Variants in CAV3 observed in about 807,000 individuals in gnomAD.
The protein encoded by CAV3 is caveolin-3.
CAV3 carries 10 observed loss-of-function variants against 13.4 expected under a neutral mutation model. The ratio of observed to expected loss-of-function variants is 0.75; its 90% CI spans 0.46 to 1.27. The LOEUF is 1.27. Among genes scored for constraint, CAV3 ranks in the 50% most tolerant of loss-of-function variants. The pLI, the probability that CAV3 is intolerant of heterozygous loss-of-function variation, is 0.00. For missense variants in CAV3, 162 were observed against 194.0 expected, an observed-to-expected ratio of 0.83 and a Z score of 0.98; for synonymous variants, 90 against 79.0, an observed-to-expected ratio of 1.14 and a Z score of -0.74.
intron 1 of CAV3, among the ~76,000 whole-genome samples, chr3:8,740,089 G>A (rs528393686): frequency 1.3e-5 from 2 of 152,078 alleles, no homozygotes; most frequent in Non-Finnish European, 2.9e-5. Flanking sequence ...TTAGTCTCTC[G>A]AGCAGCATTC....
At chr3:8,734,662 G>A (rs1478820839) in intron 1 of CAV3, among the ~76,000 whole-genome samples, 6 of 152,200 alleles carry the variant, frequency 3.9e-5, no homozygotes, top group East Asian at 1.9e-4. Flanking sequence ...TGACACTAGC[G>A]GCCCTGCTGC....
At chr3:8,736,881 G>A (rs1707776805) in intron 1 of CAV3, among the ~76,000 whole-genome samples, 1 of 152,194 alleles carries the variant, frequency 6.6e-6, no homozygotes, top group Admixed American at 6.5e-5. Flanking sequence ...TTTAGTGAGT[G>A]AGAAATGAAA....
At chr3:8,740,936 T>C (rs529762958) in intron 1 of CAV3, among the ~76,000 whole-genome samples, 58 of 152,334 alleles carry the variant, frequency 3.8e-4, no homozygotes, top group Admixed American at 1.0e-3. Flanking sequence ...TGCCAGTCCC[T>C]TACGTGCCAT....
Position 8,745,756 on chromosome 3 carries a change from G to C in CAV3, c.345G>C (p.Gln115His), listed in dbSNP as rs758165061. The C allele has an allele frequency of 6.2e-7, 1 of 1,613,994 alleles. No homozygotes were observed. Among genetic ancestry groups the C allele is most frequent in the African/African-American group, 1.3e-5 (1 of 74,932 alleles). Residue 115 changes from glutamine (Q) to histidine (H), a missense_variant, in exon 2 of 2, where the codon CAG becomes CAC. By Grantham distance (24) the Gln-to-His change is conservative. Coordinates refer to ENST00000343849, the MANE Select transcript of CAV3 (RefSeq NM_033337.3). This position sits in a 1 kb window ranked among gnomAD's most constrained non-coding sequence, Gnocchi z 4.8. ...TTAAGAGCTACCTGATCGAGATCCA[G>C]TGCATCAGCCACATCTACTCACTCT... ...PCIKSYLIEI[Q>H]CISHIYSLCI...
At chr3:8,740,092 C>A (rs143965533) in intron 1 of CAV3, among the ~76,000 whole-genome samples, 402 of 152,294 alleles carry the variant, frequency 2.6e-3, no homozygotes, top group South Asian at 5.0e-3. Flanking sequence ...GTCTCTCGAG[C>A]AGCATTCAGC....
chr3:8,741,590 T>C (rs1303551963), intron 1 of CAV3, among the ~76,000 whole-genome samples: 1 of 152,100 alleles, frequency 6.6e-6, no homozygotes, highest in East Asian at 1.9e-4. Flanking sequence ...AGAGGGAAAG[T>C]ACCATGCCCC....
intron 1 of CAV3, among the ~76,000 whole-genome samples, chr3:8,743,968 G>C (rs1261080429): frequency 6.6e-6 from 1 of 152,090 alleles, no homozygotes; most frequent in East Asian, 1.9e-4. Context: ...ATAGAGGAGA[G>C]GATCCCCTCC....
chr3:8,739,645 C>T (rs11916022), intron 1 of CAV3, among the ~76,000 whole-genome samples: 36,105 of 151,064 alleles, frequency 0.24, 4,579 homozygotes, highest in African/African-American at 0.3. Context: ...AAGAGTTTCA[C>T]GCTCAAACTT....
intron 1 of CAV3, among the ~76,000 whole-genome samples, chr3:8,736,653 G>T (rs566176610): frequency 3.3e-5 from 5 of 152,238 alleles, no homozygotes; most frequent in Non-Finnish European, 7.3e-5. Flanking sequence ...GGATTATGAC[G>T]CAGAGGGAGC....
At chr3:8,734,061 A>G (rs1032079246) in intron 1 of CAV3, 71 bp downstream of exon 1, 1 of 828,096 alleles carries the variant, frequency 1.2e-6, no homozygotes, top group Admixed American at 1.9e-5. Context: ...TTGGCAGGGG[A>G]GGGTATCTGC....
chr3:8,741,634 T>G (rs1403686733), intron 1 of CAV3, among the ~76,000 whole-genome samples: 1 of 152,190 alleles, frequency 6.6e-6, no homozygotes, highest in Non-Finnish European at 1.5e-5. Flanking sequence ...CAGTGGATAC[T>G]GGGACCATAT....
Position 8,745,456 on chromosome 3 carries a change from C to A in CAV3, c.115-70C>A, listed in dbSNP as rs546273544. On this transcript the variant is annotated intron_variant, in intron 1 of 1. Coordinates refer to ENST00000343849, the MANE Select transcript of CAV3 (RefSeq NM_033337.3). The surrounding 1 kb of genome is among the most constrained non-coding windows in gnomAD (Gnocchi z 4.8). ...CCTCTAGGGGATTCTGACACATGCACGCACACACCCAAAAGCTTGAGAAGC... is the reference window on the plus strand; with the variant it reads ...CCTCTAGGGGATTCTGACACATGCAAGCACACACCCAAAAGCTTGAGAAGC... 2 of 1,223,120 alleles carry A rather than the reference C, an allele frequency of 1.6e-6. No individual in the cohort carries two copies. The highest frequency in any genetic ancestry group is 2.3e-5 in the East Asian group (1 of 42,760). 75.8% of individuals were successfully genotyped at this position (1,223,120 alleles called of 1,614,324 possible). A position where few individuals can be genotyped will look rare whatever the true frequency, so the allele number is the denominator to read the frequency against.
intron 1 of CAV3, among the ~76,000 whole-genome samples, chr3:8,736,472 C>A (rs1274568728): frequency 1.3e-5 from 2 of 152,144 alleles, no homozygotes; most frequent in African/African-American, 4.8e-5. Context: ...CAGGAGCCTG[C>A]GTCATGCCCA....
chr3:8,742,345 GGCTTCT>G, intron 1 of CAV3: 2 of 289,314 alleles, frequency 6.9e-6, no homozygotes, highest in Middle Eastern at 4.9e-4. Flanking sequence ...TAGCACCAAT[GGCTTCT>G]GCAAACACCA....
chr3:8,743,897 T>G (rs1401088743), intron 1 of CAV3, among the ~76,000 whole-genome samples: 2 of 152,214 alleles, frequency 1.3e-5, no homozygotes, highest in Admixed American at 6.5e-5. Context: ...TCTATTCTGT[T>G]AATTCTCTGT....
chr3:8,735,148 A>T (rs1244573666), intron 1 of CAV3, among the ~76,000 whole-genome samples: 2 of 152,254 alleles, frequency 1.3e-5, no homozygotes, highest in African/African-American at 4.8e-5. Context: ...ATCTCAGGCC[A>T]GTGCTGTCCA....
At chr3:8,738,045 TCTCTCTCTCTC>T (rs982524639) in intron 1 of CAV3, among the ~76,000 whole-genome samples, 3 of 130,904 alleles carry the variant, frequency 2.3e-5, no homozygotes, top group African/African-American at 3.3e-5. Flanking sequence ...GTCTTCTCTC[TCTCTCTCTCTC>T]CTCTCTCTCT....
At chr3:8,734,415 C>T (rs1318473494) in intron 1 of CAV3, among the ~76,000 whole-genome samples, 1 of 152,172 alleles carries the variant, frequency 6.6e-6, no homozygotes, top group Non-Finnish European at 1.5e-5. Context: ...CAGAGGGCAG[C>T]TTCCAGCAGG....
intron 1 of CAV3, among the ~76,000 whole-genome samples, chr3:8,744,417 T>C (rs1039230935): frequency 1.3e-5 from 2 of 150,334 alleles, no homozygotes; most frequent in Admixed American, 1.3e-4. Context: ...TAGCTGGGAC[T>C]ACAGACACCC....
Sources: allele counts gnomAD v4.1 joint callset (sites outside exome capture counted in the v4.1 genomes callset), GRCh38; gene constraint gnomAD v4.1.1; non-coding constraint Gnocchi (gnomAD v3.1); transcripts MANE v1.5; gene names NCBI Gene and HGNC (gene_info 2026-07-23, HGNC 2026-07-21).